PLCB4: variants seen among roughly 807,000 people sequenced by gnomAD.
PLCB4 encodes the protein phospholipase C beta 4.
A neutral mutation model predicts 178.8 loss-of-function variants in PLCB4; 77 were observed. The ratio of observed to expected loss-of-function variants is 0.43; its 90% CI spans 0.36 to 0.52. The LOEUF (loss-of-function observed/expected upper bound fraction) is 0.52, where lower values mean the gene tolerates loss of function less well. Ranked by LOEUF, PLCB4 falls within the 20% of genes least tolerant of loss-of-function variation. The pLI is 0.00. For missense variants in PLCB4, 1,024 were observed against 1,453.4 expected, an observed-to-expected ratio of 0.70 and a Z score of 4.80; for synonymous variants, 496 against 490.8, an observed-to-expected ratio of 1.01 and a Z score of -0.14.
intron 2 of PLCB4, among the ~76,000 whole-genome samples, chr20:9,213,292 G>A (rs2093693533): frequency 6.7e-6 from 1 of 149,154 alleles, no homozygotes; most frequent in South Asian, 2.1e-4. Context: ...TCACAGGTGT[G>A]TGCCACCACA....
chr20:9,316,365 C>T (rs886712389), intron 4 of PLCB4, among the ~76,000 whole-genome samples: 5 of 151,884 alleles, frequency 3.3e-5, no homozygotes, highest in African/African-American at 9.7e-5. Flanking sequence ...GTTTGGATTT[C>T]GTTCTGATTG....
intron 3 of PLCB4, among the ~76,000 whole-genome samples, chr20:9,271,570 T>TA (rs2094402574): frequency 1.3e-5 from 2 of 152,158 alleles, no homozygotes; most frequent in Non-Finnish European, 2.9e-5. Context: ...ATGAATTATG[T>TA]GCATCTATAA....
chr20:9,441,953 A>G (rs1360310733), intron 30 of PLCB4, among the ~76,000 whole-genome samples: 1 of 151,916 alleles, frequency 6.6e-6, no homozygotes, highest in African/African-American at 2.4e-5. Flanking sequence ...GATTAAGAAC[A>G]CCCAGCTCCT....
intron 19 of PLCB4, 115 bp downstream of exon 19, chr20:9,395,733 G>C: frequency 1.5e-6 from 1 of 672,830 alleles, no homozygotes; most frequent in Non-Finnish European, 2.5e-6. Flanking sequence ...GGAGGCCAAG[G>C]TGGGAGGATT....
chr20:9,294,314 C>T (rs1439815836), intron 3 of PLCB4, among the ~76,000 whole-genome samples: 1 of 152,034 alleles, frequency 6.6e-6, no homozygotes, highest in Non-Finnish European at 1.5e-5. Flanking sequence ...ATGACTCAGT[C>T]ACCCTTTATT....
At chr20:9,116,220 A>G (rs1297104120) in intron 2 of PLCB4, among the ~76,000 whole-genome samples, 1 of 152,042 alleles carries the variant, frequency 6.6e-6, no homozygotes, top group Non-Finnish European at 1.5e-5. Context: ...ATTAGTGCCC[A>G]GTTCAATTCC....
intron 2 of PLCB4, among the ~76,000 whole-genome samples, chr20:9,191,547 A>G (rs2093404434): frequency 6.6e-6 from 1 of 152,060 alleles, no homozygotes; most frequent in Non-Finnish European, 1.5e-5. Context: ...ATTTTATTAT[A>G]GAATCATGAA....
At chr20:9,279,265 T>C (rs1216423699) in intron 3 of PLCB4, among the ~76,000 whole-genome samples, 3 of 152,230 alleles carry the variant, frequency 2.0e-5, no homozygotes, top group East Asian at 1.9e-4. Flanking sequence ...CAAGGTATTA[T>C]GCAGAGTGTA....
intron 2 of PLCB4, among the ~76,000 whole-genome samples, chr20:9,105,854 T>C (rs1197196765): frequency 1.3e-5 from 2 of 152,092 alleles, no homozygotes; most frequent in Non-Finnish European, 2.9e-5. Flanking sequence ...AAATTTATGA[T>C]AAAAATCTAT....
rs562439410 is a variant in PLCB4, at chr20:9,276,248, CT to C, written c.-15-31551del. Among the ~76,000 whole-genome samples the C allele has an allele frequency of 1.2e-3, 178 of 152,180 alleles. 1 individual carries two copies. Among genetic ancestry groups the C allele is most frequent in the African/African-American group, 4.0e-3 (165 of 41,546 alleles). On this transcript the variant is annotated intron_variant, in intron 3 of 39. Transcript: ENST00000378473. The stretch of plus-strand genomic sequence containing the variant: ...GAGCTCTGTCATTTTTAGCACGTAG[CT>C]GCCAAATTCACCCTGGAGTCAATGT...
intron 7 of PLCB4, among the ~76,000 whole-genome samples, chr20:9,347,016 T>C (rs1439031831): frequency 6.6e-6 from 1 of 152,216 alleles, no homozygotes; most frequent in Non-Finnish European, 1.5e-5. Context: ...CCTCAGTGTC[T>C]CATCCGTGAT....
chr20:9,188,665 A>C (rs866317057), intron 2 of PLCB4, among the ~76,000 whole-genome samples: 2 of 139,128 alleles, frequency 1.4e-5, no homozygotes, highest in African/African-American at 2.9e-5. Context: ...GAGGGCTGTC[A>C]TATAGTGACA....
chr20:9,371,355 G>T (rs1602173563), intron 10 of PLCB4, 60 bp downstream of exon 10: 1 of 864,436 alleles, frequency 1.2e-6, no homozygotes, highest in African/African-American at 1.7e-5. Flanking sequence ...CTTCTCATAT[G>T]TAATGAGCTA....
intron 14 of PLCB4, among the ~76,000 whole-genome samples, chr20:9,384,817 T>G (rs1005004913): frequency 2.6e-5 from 4 of 151,780 alleles, no homozygotes; most frequent in Non-Finnish European, 4.4e-5. Flanking sequence ...TTTTTTAGTA[T>G]TTATTGATCA....
At chr20:9,097,812 G>A (rs2090976270) in intron 2 of PLCB4, among the ~76,000 whole-genome samples, 1 of 152,056 alleles carries the variant, frequency 6.6e-6, no homozygotes, top group Admixed American at 6.6e-5. Context: ...ATAGCAAAAA[G>A]TGAAGACTAT....
At chr20:9,069,913 G>A (rs1464968301) in intron 1 of PLCB4, among the ~76,000 whole-genome samples, 1 of 152,148 alleles carries the variant, frequency 6.6e-6, no homozygotes, top group African/African-American at 2.4e-5. Context: ...GGATATATCT[G>A]AAAGATGACC....
chr20:9,101,012 C>T (rs1173403562), intron 2 of PLCB4, among the ~76,000 whole-genome samples: 2 of 152,060 alleles, frequency 1.3e-5, no homozygotes, highest in African/African-American at 4.8e-5. Flanking sequence ...TCTGGTGGCC[C>T]ATTTCTTCAT....
intron 2 of PLCB4, among the ~76,000 whole-genome samples, chr20:9,114,642 A>G (rs2091715774): frequency 6.6e-6 from 1 of 152,190 alleles, no homozygotes; most frequent in Non-Finnish European, 1.5e-5. Context: ...GAGGAAGACT[A>G]TCAAGTTCTG....
intron 32 of PLCB4, among the ~76,000 whole-genome samples, chr20:9,452,266 G>A (rs773888416): frequency 6.6e-5 from 10 of 152,158 alleles, no homozygotes; most frequent in South Asian, 2.1e-4. Flanking sequence ...TTATGAAACC[G>A]TTAAAAGAAG....
Sources: gnomAD v4.1 joint callset for allele counts (sites outside exome capture counted in the v4.1 genomes callset) on GRCh38, gnomAD v4.1.1 for gene constraint, MANE v1.5 for transcripts, NCBI Gene and HGNC (gene_info 2026-07-23, HGNC 2026-07-21) for gene names.